ZFYVE9: variants seen among roughly 807,000 people sequenced by gnomAD.
The protein encoded by ZFYVE9 is zinc finger FYVE domain-containing protein 9.
A neutral mutation model predicts 126.7 loss-of-function variants in ZFYVE9; 43 were observed. The observed-to-expected ratio is 0.34, with a 90% CI of 0.27 to 0.44. The LOEUF (loss-of-function observed/expected upper bound fraction) is 0.44. Ranked by LOEUF, ZFYVE9 falls within the 20% of genes least tolerant of loss-of-function variation. The pLI, the probability that ZFYVE9 is intolerant of heterozygous loss-of-function variation, is 1.00. For synonymous variants in ZFYVE9, 521 were observed against 597.4 expected (o/e 0.87, Z 1.87); for missense variants, 1,476 against 1,697.0 (o/e 0.87, Z 2.29).
At chr1:52,272,569 T>C (rs1253932267) in intron 7 of ZFYVE9, among the ~76,000 whole-genome samples, 2 of 152,330 alleles carry the variant, frequency 1.3e-5, no homozygotes, top group African/African-American at 2.4e-5. Context: ...AGTATTCCAT[T>C]GTATGGATAT....
At chr1:52,251,026 T>TTTGTTG (rs200636201) in intron 4 of ZFYVE9, among the ~76,000 whole-genome samples, 197 of 147,040 alleles carry the variant, frequency 1.3e-3, no homozygotes, top group East Asian at 6.5e-3. Context: ...TTCAGTCGTT[T>TTTGTTG]TTGTTGTTGT....
chr1:52,246,825 A>T (rs865919267), intron 4 of ZFYVE9, among the ~76,000 whole-genome samples: 1 of 149,534 alleles, frequency 6.7e-6, no homozygotes, highest in Non-Finnish European at 1.5e-5. Context: ...CTCCTGCCTC[A>T]GCCTCCTAAG....
At position 52,346,338 on chromosome 1, in the gene ZFYVE9, GAA is replaced by G; in HGVS notation, c.*118_*119del. 16 of 302,766 alleles carry G rather than the reference GAA, an allele frequency of 5.3e-5. No individual in the cohort carries two copies. Among genetic ancestry groups the G allele is most frequent in the Non-Finnish European group, 1.0e-4 (16 of 154,964 alleles). 18.8% of individuals were successfully genotyped at this position (302,766 alleles called of 1,614,324 possible). A position where few individuals can be genotyped will look rare whatever the true frequency, so the allele number is the denominator to read the frequency against. On this transcript the variant is annotated 3_prime_UTR_variant, in exon 19 of 19. Coordinates refer to ENST00000287727, the MANE Select transcript of ZFYVE9 (RefSeq NM_004799.4). Reference sequence around the variant, plus strand: ...TTGTTAACACTATTAATGGGGTGGGGAATAGGGTGGGAGTGGGGGTTTGGGAG... The same window carrying G: ...TTGTTAACACTATTAATGGGGTGGGGTAGGGTGGGAGTGGGGGTTTGGGAG...
chr1:52,253,681 ACAGTACGGGAAATTGGGT>A, intron 4 of ZFYVE9: 1 of 1,600,868 alleles, frequency 6.2e-7, no homozygotes, highest in Non-Finnish European at 8.6e-7. Context: ...AAAGACTGGA[ACAGTACGGGAAATTGGGT>A]CACAAGCTGT....
chr1:52,175,906 T>C (rs572786460), intron 1 of ZFYVE9, among the ~76,000 whole-genome samples: 28 of 152,348 alleles, frequency 1.8e-4, no homozygotes, highest in African/African-American at 6.7e-4. Flanking sequence ...TCTAAGTTTT[T>C]TTCAAAGTTT....
At chr1:52,269,848 C>A (rs565389066) in intron 7 of ZFYVE9, among the ~76,000 whole-genome samples, 1 of 151,716 alleles carries the variant, frequency 6.6e-6, no homozygotes, top group Non-Finnish European at 1.5e-5. Flanking sequence ...AGTATAGTGC[C>A]GCAGACATGG....
At chr1:52,345,367 C>G (rs1344242469) in intron 18 of ZFYVE9, among the ~76,000 whole-genome samples, 4 of 152,170 alleles carry the variant, frequency 2.6e-5, no homozygotes, top group African/African-American at 9.6e-5. Flanking sequence ...GCCCAGCAAG[C>G]TGCTTCTGGC....
chr1:52,323,804 A>G (rs1294103536), intron 13 of ZFYVE9, among the ~76,000 whole-genome samples: 1 of 150,120 alleles, frequency 6.7e-6, no homozygotes, highest in East Asian at 2.0e-4. Context: ...AATCCCAGCT[A>G]TTCGGGAGGC....
chr1:52,320,151 A>G (rs1406006846), intron 13 of ZFYVE9, among the ~76,000 whole-genome samples: 1 of 149,426 alleles, frequency 6.7e-6, no homozygotes, highest in African/African-American at 2.5e-5. Context: ...GCTCACTGCA[A>G]CCTCCGCATC....
chr1:52,176,607 G>GC (rs1644632411), intron 1 of ZFYVE9, among the ~76,000 whole-genome samples: 3 of 152,160 alleles, frequency 2.0e-5, no homozygotes, highest in African/African-American at 7.2e-5. Context: ...GGAGCCTACG[G>GC]AGGCAGGCAG....
chr1:52,274,675 C>G, intron 8 of ZFYVE9, 91 bp downstream of exon 8: 1 of 1,368,868 alleles, frequency 7.3e-7, no homozygotes, highest in Admixed American at 2.2e-5. Context: ...GAGTGACATT[C>G]ACCTTTCTCT....
rs149478229 is a variant in ZFYVE9 at position 52,238,197 on chromosome 1, G to A, written c.780G>A (p.Ala260=). The A allele has an allele frequency of 1.3e-5, 21 of 1,614,006 alleles. No individual in the cohort carries two copies. The highest frequency in any genetic ancestry group is 5.3e-5 in the African/African-American group (4 of 75,016). Reference sequence around the variant, plus strand: ...TAGGTAGAGACCCCTCCATGTCTGCGATTACAAGTTTAACGGTTGATTCAG... The same window carrying A: ...TAGGTAGAGACCCCTCCATGTCTGCAATTACAAGTTTAACGGTTGATTCAG... The part of the protein sequence containing the change: ...GSIGRDPSMS[A]ITSLTVDSVI... The change falls in exon 4 of 19, where the codon GCG becomes GCA. Residue 260 remains alanine (A), a synonymous_variant. Coordinates refer to ENST00000287727, the MANE Select transcript of ZFYVE9 (RefSeq NM_004799.4).
At chr1:52,180,027 G>C in intron 1 of ZFYVE9, 1 of 846,988 alleles carries the variant, frequency 1.2e-6, no homozygotes, top group Middle Eastern at 3.4e-4. Context: ...CAAGTTTAAT[G>C]AGGAGGATGA....
chr1:52,162,955 CCTGTTGG>C, intron 1 of ZFYVE9: 1 of 475,236 alleles, frequency 2.1e-6, no homozygotes, highest in East Asian at 4.6e-5. Context: ...AGCAGGAGTT[CCTGTTGG>C]AGATTTTGAC....
At chr1:52,148,154 A>T (rs1332706881) in intron 1 of ZFYVE9, among the ~76,000 whole-genome samples, 1 of 151,282 alleles carries the variant, frequency 6.6e-6, no homozygotes, top group Non-Finnish European at 1.5e-5. Flanking sequence ...AGATTCTTTG[A>T]TGATAGGGAA....
At chr1:52,185,075 G>A (rs1294477274) in intron 1 of ZFYVE9, among the ~76,000 whole-genome samples, 1 of 152,194 alleles carries the variant, frequency 6.6e-6, no homozygotes, top group Non-Finnish European at 1.5e-5. Flanking sequence ...GCTTGGGAGT[G>A]GAACCTTTGG....
At chr1:52,148,453 A>C (rs1346089707) in intron 1 of ZFYVE9, among the ~76,000 whole-genome samples, 1 of 151,232 alleles carries the variant, frequency 6.6e-6, no homozygotes, top group Admixed American at 6.6e-5. Context: ...GCACCATTGC[A>C]CTCCAGCCTG....
rs754343593 is a variant in ZFYVE9, at chr1:52,346,138, G to A, written c.4195G>A (p.Val1399Met). The A allele has an allele frequency of 6.2e-7, 1 of 1,613,598 alleles. No individual in the cohort carries two copies. The highest frequency in any genetic ancestry group is 1.1e-5 in the South Asian group (1 of 91,042). Residue 1399 changes from valine (V) to methionine (M), a missense_variant, in exon 19 of 19, where the codon GTG (valine) becomes ATG (methionine). This residue lies in a region of ZFYVE9 where 669 missense variants were observed against 902.4 expected (regional missense o/e 0.74). Coordinates refer to ENST00000287727, the MANE Select transcript of ZFYVE9 (RefSeq NM_004799.4). ...MNDLDSALVPVIHGGACQLSE... is the reference protein window; with the variant it reads ...MNDLDSALVPMIHGGACQLSE... ...TGATCTGGACAGCGCCTTGGTGCCG[G>A]TGATCCATGGAGGGGCCTGCCAGCT...
At chr1:52,198,110 G>GTTTTTTTTTTTT (rs1329262004) in intron 1 of ZFYVE9, among the ~76,000 whole-genome samples, 1 of 40,036 alleles carries the variant, frequency 2.5e-5, no homozygotes, top group African/African-American at 5.8e-5. Flanking sequence ...ATATTGTAGT[G>GTTTTTTTTTTTT]TTTTTTTTTG....
Sources: gnomAD v4.1 joint callset for allele counts (sites outside exome capture counted in the v4.1 genomes callset) on GRCh38, gnomAD v4.1.1 for gene constraint, gnomAD v4.1.1 regional missense constraint, MANE v1.5 for transcripts, NCBI Gene and HGNC (gene_info 2026-07-23, HGNC 2026-07-21) for gene names.